Variants in GRM7 observed in about 807,000 individuals in gnomAD.
GRM7 encodes the protein glutamate metabotropic receptor 7, also known as metabotropic glutamate receptor 7.
A neutral mutation model predicts 84.5 loss-of-function variants in GRM7; 35 were observed. The observed-to-expected ratio is 0.41, with a 90% CI of 0.32 to 0.55. The LOEUF (loss-of-function observed/expected upper bound fraction) is 0.55. GRM7 is among the 20% of genes least tolerant of loss of function. GRM7 has a pLI of 0.19. For synonymous variants in GRM7, 487 were observed against 455.1 expected, an observed-to-expected ratio of 1.07 and a Z score of -0.89; for missense variants, 1,003 against 1,194.6, an observed-to-expected ratio of 0.84 and a Z score of 2.36.
intron 9 of GRM7, among the ~76,000 whole-genome samples, chr3:7,717,303 T>C (rs1045311046): frequency 6.6e-6 from 1 of 152,136 alleles, no homozygotes; most frequent in Non-Finnish European, 1.5e-5. Context: ...AAAGTTATTT[T>C]CCAGTAGACA....
At chr3:7,590,218 C>T (rs1695713902) in intron 8 of GRM7, among the ~76,000 whole-genome samples, 2 of 152,172 alleles carry the variant, frequency 1.3e-5, no homozygotes, top group Admixed American at 1.3e-4. Context: ...CTTCCAGCAG[C>T]TTCTCATTGT....
At chr3:7,300,452 C>G (rs1222057733) in intron 3 of GRM7, among the ~76,000 whole-genome samples, 1 of 152,174 alleles carries the variant, frequency 6.6e-6, no homozygotes, top group Admixed American at 6.5e-5. Context: ...ACTGTCTGAC[C>G]TTGGGCAAGT....
At chr3:6,993,669 T>C (rs1489556121) in intron 1 of GRM7, among the ~76,000 whole-genome samples, 3 of 152,134 alleles carry the variant, frequency 2.0e-5, no homozygotes, top group South Asian at 4.1e-4. Context: ...GAGAAGCCAG[T>C]TAGGAGCATA....
At position 7,721,376 on chromosome 3, in the gene GRM7, G is replaced by C. The variant is rs79958023; in HGVS notation, c.2699-18981G>C. ...TGGGATTCTCAGTGATAACTGCTGA[G>C]TCTGTTTGATAACCAACCTGGGCCA... On this transcript the variant is annotated intron_variant, in intron 9 of 9. Transcript: ENST00000357716. Among the ~76,000 whole-genome samples, 1,215 of 152,304 alleles carry C rather than the reference G, an allele frequency of 8.0e-3. 13 individuals carry two copies. The highest frequency in any genetic ancestry group is 0.028 in the African/African-American group (1,158 of 41,574).
intron 4 of GRM7, among the ~76,000 whole-genome samples, chr3:7,306,883 ATTCT>A: frequency 6.6e-6 from 1 of 152,304 alleles, no homozygotes; most frequent in South Asian, 2.1e-4. Flanking sequence ...TAGCAAAAAC[ATTCT>A]TTCTTTTTCA....
intron 2 of GRM7, among the ~76,000 whole-genome samples, chr3:7,235,610 C>A (rs776030648): frequency 6.6e-6 from 1 of 152,152 alleles, no homozygotes; most frequent in African/African-American, 2.4e-5. Flanking sequence ...GCAGCACATT[C>A]CTCATCCATC....
intron 1 of GRM7, among the ~76,000 whole-genome samples, chr3:6,974,896 A>G (rs543350876): frequency 6.6e-6 from 1 of 152,290 alleles, no homozygotes; most frequent in South Asian, 2.1e-4. Context: ...TGGAGGAGAT[A>G]TAGAATAAAT....
intron 4 of GRM7, among the ~76,000 whole-genome samples, chr3:7,360,490 G>T (rs113779146): frequency 6.6e-6 from 1 of 152,108 alleles, no homozygotes; most frequent in African/African-American, 2.4e-5. Flanking sequence ...TATCCCCAAG[G>T]TTCTATAAAA....
rs184950751 is a variant in GRM7 at position 7,237,364 on chromosome 3, A to C, written c.737-61320A>C. On this transcript the variant is annotated intron_variant, in intron 2 of 9. Transcript: ENST00000357716. The stretch of plus-strand genomic sequence containing the variant: ...AATCATTATTTTTTATATCCCTTGC[A>C]CTTGGGCCCATCCCAGATGGTAGAA... Among the ~76,000 whole-genome samples the C allele has an allele frequency of 3.7e-4, 56 of 152,240 alleles. 1 individual carries two copies. The highest frequency in any genetic ancestry group is 1.2e-3 in the African/African-American group (48 of 41,554).
chr3:7,181,234 C>T (rs1194614147), intron 2 of GRM7, among the ~76,000 whole-genome samples: 1 of 152,200 alleles, frequency 6.6e-6, no homozygotes, highest in African/African-American at 2.4e-5. Context: ...GGACATATGG[C>T]ATCCCATCAC....
chr3:7,057,241 T>G (rs1297303094), intron 1 of GRM7, among the ~76,000 whole-genome samples: 1 of 151,922 alleles, frequency 6.6e-6, no homozygotes, highest in Non-Finnish European at 1.5e-5. Flanking sequence ...CTTAAGGGAA[T>G]GTTGGAGAAG....
rs569788916 is a variant in GRM7, at chr3:7,019,322, G to A, written c.520-127130G>A. 2.9e-4 allele frequency among the ~76,000 whole-genome samples: 44 copies of A among 152,150 alleles called. 1 individual carries two copies. In the South Asian group the frequency reaches 7.5e-3, roughly 26 times the overall value. ...TTATCACCCAAAGTCAATACTTTACGTTAGGGTTCACTCTTGGTGTCATAC... is the reference window on the plus strand; with the variant it reads ...TTATCACCCAAAGTCAATACTTTACATTAGGGTTCACTCTTGGTGTCATAC... On this transcript the variant is annotated intron_variant, in intron 1 of 9. Coordinates refer to ENST00000357716, the MANE Select transcript of GRM7 (RefSeq NM_000844.4).
At chr3:6,864,321 A>C (rs1342059654) in intron 1 of GRM7, among the ~76,000 whole-genome samples, 11 of 152,190 alleles carry the variant, frequency 7.2e-5, no homozygotes, top group Non-Finnish European at 1.6e-4. Context: ...ATCACTGCCC[A>C]TGTTGGAATA....
At chr3:7,122,756 T>G (rs2125045228) in intron 1 of GRM7, among the ~76,000 whole-genome samples, 1 of 152,342 alleles carries the variant, frequency 6.6e-6, no homozygotes, top group African/African-American at 2.4e-5. Context: ...CACATATTAT[T>G]TAACAAACAT....
chr3:7,537,046 C>G (rs1000535414), intron 7 of GRM7, among the ~76,000 whole-genome samples: 1 of 152,044 alleles, frequency 6.6e-6, no homozygotes, highest in Non-Finnish European at 1.5e-5. Context: ...GAAAGGGGCA[C>G]AGATGCTTGA....
intron 1 of GRM7, among the ~76,000 whole-genome samples, chr3:7,130,572 G>T (rs1361219459): frequency 7.0e-6 from 1 of 143,796 alleles, no homozygotes; most frequent in African/African-American, 2.6e-5. Context: ...AAAAAAAAAA[G>T]GATTAATGGC....
chr3:6,997,392 G>C (rs538534205), intron 1 of GRM7, among the ~76,000 whole-genome samples: 1 of 152,146 alleles, frequency 6.6e-6, no homozygotes, highest in Non-Finnish European at 1.5e-5. Context: ...CAGGGCTGGG[G>C]ACACCTCAGG....
rs371420209 is a variant in GRM7 at position 7,628,491 on chromosome 3, A to G, written c.2451+49134A>G. Among the ~76,000 whole-genome samples, 214 of 152,318 alleles carry G rather than the reference A, an allele frequency of 1.4e-3. 5 individuals carry two copies. In the South Asian group the frequency reaches 0.042, roughly 30 times the overall value. On this transcript the variant is annotated intron_variant, in intron 8 of 9. Coordinates refer to ENST00000357716, the MANE Select transcript of GRM7 (RefSeq NM_000844.4). ...ATTTTGGATGTAATTATTTCAATGT[A>G]TTGAGAGAAAGAACATGTTGAACTG...
chr3:6,912,621 A>G (rs1249424181), intron 1 of GRM7, among the ~76,000 whole-genome samples: 1 of 152,158 alleles, frequency 6.6e-6, no homozygotes, highest in East Asian at 1.9e-4. Flanking sequence ...AGGAAGCTTT[A>G]ACTTCAATGT....
Sources: allele counts gnomAD v4.1 joint callset (sites outside exome capture counted in the v4.1 genomes callset), GRCh38; gene constraint gnomAD v4.1.1; transcripts MANE v1.5; gene names NCBI Gene and HGNC (gene_info 2026-07-23, HGNC 2026-07-21).